Variants in CADM1 observed in about 807,000 individuals in gnomAD.
CADM1 encodes the protein cell adhesion molecule 1.
In CADM1, 15 loss-of-function variants were observed where a neutral mutation model predicts 53.1. The observed-to-expected ratio is 0.28, with a 90% CI of 0.19 to 0.44. The LOEUF (loss-of-function observed/expected upper bound fraction) is 0.44, where lower values mean the gene tolerates loss of function less well. Ranked by LOEUF, CADM1 falls within the 20% of genes least tolerant of loss-of-function variation. CADM1 has a pLI of 1.00. For missense variants in CADM1, 434 were observed against 611.3 expected (o/e 0.71, Z 3.06); for synonymous variants, 281 against 243.0 (o/e 1.16, Z -1.45).
intron 5 of CADM1, among the ~76,000 whole-genome samples, chr11:115,223,971 A>AG (rs1470723432): frequency 6.5e-4 from 11 of 16,948 alleles, no homozygotes; most frequent in African/African-American, 1.7e-3. Flanking sequence ...AAAAAAAAAA[A>AG]AAAGAGAGAG....
intron 1 of CADM1, among the ~76,000 whole-genome samples, chr11:115,312,153 G>A (rs1345479905): frequency 1.3e-5 from 2 of 152,116 alleles, no homozygotes; most frequent in African/African-American, 4.8e-5. Context: ...CATAGGAGCT[G>A]CTATAATAAG....
chr11:115,323,253 T>C (rs760608720), intron 1 of CADM1, among the ~76,000 whole-genome samples: 6 of 152,196 alleles, frequency 3.9e-5, no homozygotes, highest in Non-Finnish European at 7.4e-5. Flanking sequence ...TGTATTATAA[T>C]TTTGAGCAAC....
At chr11:115,234,859 C>T (rs1447144763) in intron 3 of CADM1, among the ~76,000 whole-genome samples, 1 of 137,602 alleles carries the variant, frequency 7.3e-6, no homozygotes, top group East Asian at 2.1e-4. Flanking sequence ...CGCCATTGCA[C>T]TCCAGCCTGG....
At chr11:115,198,751 T>C (rs1565292515) in intron 8 of CADM1, among the ~76,000 whole-genome samples, 3 of 152,184 alleles carry the variant, frequency 2.0e-5, no homozygotes, top group Admixed American at 6.5e-5. Flanking sequence ...GAAACACCAG[T>C]GCAAACTCAG....
intron 1 of CADM1, among the ~76,000 whole-genome samples, chr11:115,467,179 C>T (rs1297896815): frequency 1.3e-5 from 2 of 152,146 alleles, no homozygotes; most frequent in Non-Finnish European, 2.9e-5. Flanking sequence ...ATGCACAAGA[C>T]GTCTGTAGTG....
intron 1 of CADM1, among the ~76,000 whole-genome samples, chr11:115,294,770 C>G (rs548106905): frequency 6.6e-6 from 1 of 151,372 alleles, no homozygotes; most frequent in East Asian, 1.9e-4. Context: ...GCGCAGTGCT[C>G]ACGCCTGTAA....
intron 1 of CADM1, among the ~76,000 whole-genome samples, chr11:115,374,188 C>T (rs779240237): frequency 4.6e-5 from 7 of 152,068 alleles, no homozygotes; most frequent in Non-Finnish European, 1.0e-4. Flanking sequence ...AATATCTTAT[C>T]GCAACCAGAA....
In CADM1 at chr11:115,238,670, GAGTT is replaced by G. The variant is rs1415831120; in HGVS notation, c.272-22_272-19del. 5 of 1,613,202 alleles carry G rather than the reference GAGTT, an allele frequency of 3.1e-6. No individual in the cohort carries two copies. The highest frequency in any genetic ancestry group is 2.7e-5 in the African/African-American group (2 of 74,882). The stretch of plus-strand genomic sequence containing the variant: ...CTTCAAAGCTGTGAAACAAAACAGA[GAGTT>G]AGTGATTGTGAGAAGGTGGACGGAC... On this transcript the variant is annotated intron_variant, in intron 2 of 11. Coordinates refer to ENST00000331581, the MANE Select transcript of CADM1 (RefSeq NM_001301043.2).
intron 1 of CADM1, among the ~76,000 whole-genome samples, chr11:115,247,418 T>C (rs1421593135): frequency 6.6e-6 from 1 of 152,216 alleles, no homozygotes; most frequent in Non-Finnish European, 1.5e-5. Context: ...AGGACATTAA[T>C]TTTAAAAGCA....
intron 1 of CADM1, among the ~76,000 whole-genome samples, chr11:115,460,285 AT>A (rs1398279582): frequency 6.6e-6 from 1 of 152,180 alleles, no homozygotes; most frequent in Non-Finnish European, 1.5e-5. Context: ...CCCTTTGGCC[AT>A]GGGTATTGGT....
intron 1 of CADM1, among the ~76,000 whole-genome samples, chr11:115,258,193 C>G (rs1371244631): frequency 6.6e-6 from 1 of 152,120 alleles, no homozygotes; most frequent in Admixed American, 6.5e-5. Context: ...TAAACGACCC[C>G]CTGACTTTAT....
chr11:115,317,745 T>G (rs45626034), intron 1 of CADM1, among the ~76,000 whole-genome samples: 2,296 of 152,296 alleles, frequency 0.015, 46 homozygotes, highest in African/African-American at 0.051. Context: ...CAGTCATTAT[T>G]CACCAAGCAC....
At chr11:115,184,661 T>G (rs1011573962) in intron 10 of CADM1, among the ~76,000 whole-genome samples, 6 of 152,348 alleles carry the variant, frequency 3.9e-5, no homozygotes, top group African/African-American at 9.6e-5. Context: ...ATCCCAGGCA[T>G]CTACTACTAC....
At chr11:115,396,972 T>C (rs1361069339) in intron 1 of CADM1, 1 of 151,908 alleles carries the variant, frequency 6.6e-6, no homozygotes, top group Admixed American at 6.6e-5. Context: ...TCTGTTACCA[T>C]GGGAATGACA....
rs1037125314 is a variant in CADM1 at position 115,175,525 on chromosome 11, C to T, written c.*949G>A. The T allele has an allele frequency of 5.1e-6, 5 of 985,310 alleles. No homozygotes were observed. In the Admixed American group the frequency reaches 1.8e-4, roughly 36 times the overall value. 61.0% of individuals were successfully genotyped at this position (985,310 alleles called of 1,614,324 possible). Reference sequence around the variant, plus strand: ...AAACAACCAGAGCAGAACTGTATTTCCCCCCTCCCTACTTCCCCTCCTGTG... The same window carrying T: ...AAACAACCAGAGCAGAACTGTATTTTCCCCCTCCCTACTTCCCCTCCTGTG... On this transcript the variant is annotated 3_prime_UTR_variant, in exon 12 of 12. Coordinates refer to ENST00000331581, the MANE Select transcript of CADM1 (RefSeq NM_001301043.2).
chr11:115,422,047 T>TC (rs1264013336), intron 1 of CADM1, among the ~76,000 whole-genome samples: 1 of 152,166 alleles, frequency 6.6e-6, no homozygotes, highest in African/African-American at 2.4e-5. Context: ...TGTCATCAGG[T>TC]CCCCAGAAAA....
rs536243265 is a variant in CADM1, at chr11:115,438,198, A to G, written c.124+66073T>C. ...AAATAACAGGCAATAATCATCCTATATCTGTGCCTTTAGTTCAAAATCACC... is the reference window on the plus strand; with the variant it reads ...AAATAACAGGCAATAATCATCCTATGTCTGTGCCTTTAGTTCAAAATCACC... On this transcript the variant is annotated intron_variant, in intron 1 of 11. Coordinates refer to ENST00000331581, the MANE Select transcript of CADM1 (RefSeq NM_001301043.2). 1.6e-3 allele frequency among the ~76,000 whole-genome samples: 247 copies of G among 152,296 alleles called. 2 individuals carry two copies. Among genetic ancestry groups the G allele is most frequent in the Non-Finnish European group, 2.3e-3 (157 of 68,022 alleles).
At chr11:115,350,698 C>T (rs1223940667) in intron 1 of CADM1, among the ~76,000 whole-genome samples, 1 of 151,724 alleles carries the variant, frequency 6.6e-6, no homozygotes, top group East Asian at 1.9e-4. Context: ...CACTGTATTT[C>T]ATGCCTTAAA....
chr11:115,278,687 G>A (rs1038260033), intron 1 of CADM1, among the ~76,000 whole-genome samples: 1 of 152,184 alleles, frequency 6.6e-6, no homozygotes, highest in African/African-American at 2.4e-5. Context: ...TGAATGTTGT[G>A]TGATAAGGGT....
Sources: allele counts gnomAD v4.1 joint callset (sites outside exome capture counted in the v4.1 genomes callset), GRCh38; gene constraint gnomAD v4.1.1; transcripts MANE v1.5; gene names NCBI Gene and HGNC (gene_info 2026-07-23, HGNC 2026-07-21).